QTMAN: variants seen among roughly 807,000 people sequenced by gnomAD.
QTMAN encodes the protein tRNA-queuosine alpha-mannosyltransferase.
At chr2:144,074,260 C>T in the QTMAN span, among the ~76,000 whole-genome samples, 1 of 152,138 alleles carries the variant, frequency 6.6e-6, no homozygotes, top group Non-Finnish European at 1.5e-5. Flanking sequence ...ATTTTGGCTA[C>T]AGATAACTAA....
At chr2:144,082,900 A>G in the QTMAN span, among the ~76,000 whole-genome samples, 1 of 152,122 alleles carries the variant, frequency 6.6e-6, no homozygotes, top group African/African-American at 2.4e-5. Context: ...GCACACACAC[A>G]CACACACACA....
At chr2:143,999,092 C>T in the QTMAN span, among the ~76,000 whole-genome samples, 2 of 151,914 alleles carry the variant, frequency 1.3e-5, no homozygotes, top group South Asian at 2.1e-4. Context: ...AAAAATTCCC[C>T]CTAAACAAAA....
chr2:144,318,628 T>C, the QTMAN span, among the ~76,000 whole-genome samples: 1 of 152,224 alleles, frequency 6.6e-6, no homozygotes, highest in Non-Finnish European at 1.5e-5. Context: ...GATGGCGATG[T>C]TAGTTGCACT....
chr2:144,291,267 T>C, the QTMAN span, among the ~76,000 whole-genome samples: 1 of 152,226 alleles, frequency 6.6e-6, no homozygotes, highest in Non-Finnish European at 1.5e-5. Flanking sequence ...TTTGGGGTAC[T>C]AGGAGTTAGG....
the QTMAN span, among the ~76,000 whole-genome samples, chr2:144,327,783 A>G: frequency 6.6e-6 from 1 of 152,172 alleles, no homozygotes. Flanking sequence ...TAGGGGAGAT[A>G]GCAAGGAGAG....
chr2:144,324,468 G>T, the QTMAN span, among the ~76,000 whole-genome samples: 1 of 152,110 alleles, frequency 6.6e-6, no homozygotes, highest in Non-Finnish European at 1.5e-5. Flanking sequence ...CATCAGATAG[G>T]AGAAAACTGA....
chr2:144,105,011 C>A, the QTMAN span, among the ~76,000 whole-genome samples: 4 of 152,234 alleles, frequency 2.6e-5, no homozygotes, highest in South Asian at 2.1e-4. Context: ...TGGAGTGGAC[C>A]TCCAGCAAAC....
At chr2:144,173,424 A>C in the QTMAN span, among the ~76,000 whole-genome samples, 1 of 152,342 alleles carries the variant, frequency 6.6e-6, no homozygotes, top group Admixed American at 6.5e-5. Flanking sequence ...ATGTAGGCAG[A>C]CATATTGGAA....
the QTMAN span, among the ~76,000 whole-genome samples, chr2:144,048,225 T>C: frequency 1.3e-5 from 2 of 152,152 alleles, no homozygotes; most frequent in East Asian, 3.8e-4. Context: ...TTATACATAA[T>C]ACAGCCAAGT....
chr2:144,125,509 G>A, the QTMAN span, among the ~76,000 whole-genome samples: 3 of 152,076 alleles, frequency 2.0e-5, no homozygotes, highest in East Asian at 5.8e-4. Context: ...GCTGTGTAGT[G>A]TTGTGATGAG....
At chr2:143,971,741 A>C in the QTMAN span, among the ~76,000 whole-genome samples, 1 of 152,020 alleles carries the variant, frequency 6.6e-6, no homozygotes, top group Non-Finnish European at 1.5e-5. Context: ...ATTATGAAAA[A>C]ATAGTTATAT....
At chr2:144,200,682 G>A in the QTMAN span, among the ~76,000 whole-genome samples, 20 of 152,086 alleles carry the variant, frequency 1.3e-4, no homozygotes, top group Admixed American at 1.2e-3. Context: ...TTTTATACAA[G>A]GGAAATTCCA....
chr2:144,138,218 G>A, the QTMAN span, among the ~76,000 whole-genome samples: 88 of 152,138 alleles, frequency 5.8e-4, no homozygotes, highest in African/African-American at 2.1e-3. Flanking sequence ...CTGCTGCTAT[G>A]GTAAATAAGA....
At chr2:144,086,589 T>C in the QTMAN span, among the ~76,000 whole-genome samples, 1 of 152,174 alleles carries the variant, frequency 6.6e-6, no homozygotes, top group South Asian at 2.1e-4. Flanking sequence ...ACCCTCTCAT[T>C]TCAAAGGCCC....
the QTMAN span, among the ~76,000 whole-genome samples, chr2:144,022,757 T>G: frequency 6.6e-6 from 1 of 151,956 alleles, no homozygotes; most frequent in African/African-American, 2.4e-5. Context: ...AGAAACGGGA[T>G]TTCACCATGT....
chr2:144,104,256 G>T, the QTMAN span, among the ~76,000 whole-genome samples: 1 of 152,174 alleles, frequency 6.6e-6, no homozygotes, highest in East Asian at 1.9e-4. Context: ...GTCGGACAGT[G>T]GGGGCAGAAC....
chr2:144,068,590 ATTAAG>A, the QTMAN span, among the ~76,000 whole-genome samples: 17 of 152,224 alleles, frequency 1.1e-4, no homozygotes, highest in Non-Finnish European at 2.1e-4. Context: ...CAAGGTGGTG[ATTAAG>A]TTAAGGACAC....
chr2:144,145,108 T>TA, the QTMAN span, among the ~76,000 whole-genome samples: 453 of 109,050 alleles, frequency 4.2e-3, 3 homozygotes, highest in Middle Eastern at 0.022. Context: ...TCTTACAATT[T>TA]AAAAAAAAAA....
chr2:144,307,611 CAA>C, the QTMAN span, among the ~76,000 whole-genome samples: 1 of 152,002 alleles, frequency 6.6e-6, no homozygotes, highest in Non-Finnish European at 1.5e-5. Context: ...GGAATTCACA[CAA>C]AAAAAGTCAA....
Sources: allele counts gnomAD v4.1 joint callset (sites outside exome capture counted in the v4.1 genomes callset), GRCh38; gene constraint gnomAD v4.1.1; transcripts MANE v1.5; gene names NCBI Gene and HGNC (gene_info 2026-07-23, HGNC 2026-07-21).